Variants in CFAP95 observed in about 807,000 individuals in gnomAD.
CFAP95 encodes the protein cilia- and flagella-associated protein 95.
the CFAP95 span, among the ~76,000 whole-genome samples, chr9:69,861,971 G>A: frequency 6.6e-5 from 10 of 152,174 alleles, no homozygotes; most frequent in South Asian, 1.0e-3. Flanking sequence ...GGTGCCCATA[G>A]CACTGTGTGC....
chr9:69,847,278 G>A, the CFAP95 span, among the ~76,000 whole-genome samples: 669 of 152,272 alleles, frequency 4.4e-3, 5 homozygotes, highest in African/African-American at 0.015. Flanking sequence ...CATTAAAAGT[G>A]CTTCATTTCA....
chr9:69,827,502 C>G, the CFAP95 span, among the ~76,000 whole-genome samples: 12 of 152,186 alleles, frequency 7.9e-5, no homozygotes. Context: ...CAGAACAGTG[C>G]CCACTCTTTG....
the CFAP95 span, among the ~76,000 whole-genome samples, chr9:69,891,790 A>G: frequency 6.6e-6 from 1 of 152,116 alleles, no homozygotes; most frequent in East Asian, 1.9e-4. Context: ...GCGTTACTGT[A>G]TTTTATGGCC....
chr9:69,871,208 ACT>A, the CFAP95 span, among the ~76,000 whole-genome samples: 1 of 151,852 alleles, frequency 6.6e-6, no homozygotes, highest in Non-Finnish European at 1.5e-5. Context: ...ACAGAGGGAG[ACT>A]CTGTCTCAAA....
chr9:69,896,903 T>G, the CFAP95 span, among the ~76,000 whole-genome samples: 1 of 151,990 alleles, frequency 6.6e-6, no homozygotes, highest in Non-Finnish European at 1.5e-5. Context: ...AAAAAAATTT[T>G]GAAAAAATAA....
At chr9:69,860,985 AG>A in the CFAP95 span, among the ~76,000 whole-genome samples, 1 of 152,204 alleles carries the variant, frequency 6.6e-6, no homozygotes, top group African/African-American at 2.4e-5. Flanking sequence ...AATAAGTAGA[AG>A]AAATATGCTC....
At chr9:69,883,997 G>A in the CFAP95 span, among the ~76,000 whole-genome samples, 1 of 151,758 alleles carries the variant, frequency 6.6e-6, no homozygotes, top group African/African-American at 2.4e-5. Flanking sequence ...TTTATTTGAG[G>A]TGTTTCTTCT....
chr9:69,848,091 C>G, the CFAP95 span, among the ~76,000 whole-genome samples: 1 of 152,096 alleles, frequency 6.6e-6, no homozygotes, highest in African/African-American at 2.4e-5. Context: ...AGAGTGTGCT[C>G]TAAGTCTTAT....
At chr9:69,838,710 T>C in the CFAP95 span, among the ~76,000 whole-genome samples, 1 of 150,544 alleles carries the variant, frequency 6.6e-6, no homozygotes, top group African/African-American at 2.4e-5. Flanking sequence ...TTTTCCTAAT[T>C]GAATACCCTT....
chr9:69,876,243 G>A, the CFAP95 span, among the ~76,000 whole-genome samples: 3 of 152,164 alleles, frequency 2.0e-5, no homozygotes, highest in African/African-American at 7.2e-5. Flanking sequence ...ATTTGCAAGA[G>A]TTTTAAAGGC....
At chr9:69,825,195 A>G in the CFAP95 span, among the ~76,000 whole-genome samples, 3 of 152,222 alleles carry the variant, frequency 2.0e-5, no homozygotes, top group Non-Finnish European at 4.4e-5. Context: ...ATATCTATAA[A>G]CACACCATTA....
At chr9:69,848,859 A>G in the CFAP95 span, among the ~76,000 whole-genome samples, 2 of 152,122 alleles carry the variant, frequency 1.3e-5, no homozygotes, top group Non-Finnish European at 1.5e-5. Context: ...TAGCCAGAGA[A>G]GTTTTGTATT....
chr9:69,840,907 A>T, the CFAP95 span, among the ~76,000 whole-genome samples: 645 of 151,950 alleles, frequency 4.2e-3, 5 homozygotes, highest in African/African-American at 0.015. Flanking sequence ...AAACACCTTC[A>T]TTATGGATTC....
the CFAP95 span, among the ~76,000 whole-genome samples, chr9:69,880,288 C>T: frequency 6.6e-6 from 1 of 152,160 alleles, no homozygotes; most frequent in Non-Finnish European, 1.5e-5. Flanking sequence ...CCCCACTATG[C>T]CATCCCTTCC....
At chr9:69,870,817 G>A in the CFAP95 span, among the ~76,000 whole-genome samples, 1 of 152,164 alleles carries the variant, frequency 6.6e-6, no homozygotes, top group Non-Finnish European at 1.5e-5. Context: ...GGTCAGGAAA[G>A]GCTTCTGGGT....
At chr9:69,844,239 AG>A in the CFAP95 span, among the ~76,000 whole-genome samples, 1 of 152,236 alleles carries the variant, frequency 6.6e-6, no homozygotes, top group African/African-American at 2.4e-5. Context: ...ATTATTAAAT[AG>A]GATTCAGTTC....
the CFAP95 span, among the ~76,000 whole-genome samples, chr9:69,870,585 A>C: frequency 6.6e-6 from 1 of 152,232 alleles, no homozygotes; most frequent in Non-Finnish European, 1.5e-5. Flanking sequence ...AAGAAGCGAA[A>C]AAGTAAAGAG....
the CFAP95 span, chr9:69,858,031 G>A: frequency 1.3e-6 from 2 of 1,567,690 alleles, no homozygotes; most frequent in Non-Finnish European, 1.8e-6. Context: ...GATTCAGAAG[G>A]TTTGTTTGCA....
At chr9:69,865,236 G>C in the CFAP95 span, among the ~76,000 whole-genome samples, 4 of 152,220 alleles carry the variant, frequency 2.6e-5, no homozygotes, top group South Asian at 2.1e-4. Context: ...CAGCCATGCC[G>C]AACTGTGAGT....
Sources: allele counts gnomAD v4.1 joint callset (sites outside exome capture counted in the v4.1 genomes callset), GRCh38; gene constraint gnomAD v4.1.1; transcripts MANE v1.5; gene names NCBI Gene and HGNC (gene_info 2026-07-23, HGNC 2026-07-21).